Variants in PDE10A observed in about 807,000 individuals in gnomAD.
PDE10A encodes phosphodiesterase 10A.
PDE10A carries 39 observed loss-of-function variants against 97.7 expected under a neutral mutation model. The ratio of observed to expected loss-of-function variants is 0.40; its 90% CI spans 0.31 to 0.52. The LOEUF (loss-of-function observed/expected upper bound fraction) is 0.52. Ranked by LOEUF, PDE10A falls within the 20% of genes least tolerant of loss-of-function variation. The pLI, the probability that PDE10A is intolerant of heterozygous loss-of-function variation, is 0.56. For synonymous variants in PDE10A, 371 were observed against 376.8 expected (o/e 0.98, Z 0.18); for missense variants, 731 against 1,047.8 (o/e 0.70, Z 4.17).
At chr6:165,410,621 G>A (rs1332045203) in intron 13 of PDE10A, among the ~76,000 whole-genome samples, 1 of 152,068 alleles carries the variant, frequency 6.6e-6, no homozygotes, top group Non-Finnish European at 1.5e-5. Context: ...GTGGGGGTAA[G>A]TTCCTGTGGA....
chr6:165,907,085 TA>T (rs1330674259), intron 1 of PDE10A, among the ~76,000 whole-genome samples: 1 of 152,202 alleles, frequency 6.6e-6, no homozygotes, highest in Non-Finnish European at 1.5e-5. Flanking sequence ...CTCCTCTGCA[TA>T]TTTTCAACTA....
intron 19 of PDE10A, among the ~76,000 whole-genome samples, chr6:165,339,803 T>A (rs986760733): frequency 5.3e-5 from 8 of 152,340 alleles, no homozygotes; most frequent in Non-Finnish European, 1.0e-4. Flanking sequence ...TAAAATGTGC[T>A]AGTAAAGACG....
intron 1 of PDE10A, among the ~76,000 whole-genome samples, chr6:165,586,152 C>T (rs981987659): frequency 2.0e-5 from 3 of 152,162 alleles, no homozygotes; most frequent in Admixed American, 6.5e-5. Flanking sequence ...TAACAAAGGC[C>T]GAACAGAGCT....
At chr6:165,682,845 C>T (rs1013440622) in intron 1 of PDE10A, among the ~76,000 whole-genome samples, 6 of 152,296 alleles carry the variant, frequency 3.9e-5, no homozygotes, top group South Asian at 4.1e-4. Context: ...TGCTGGTCAT[C>T]GGTTTGTACA....
intron 1 of PDE10A, among the ~76,000 whole-genome samples, chr6:165,622,961 C>T (rs1210844863): frequency 2.0e-5 from 3 of 152,058 alleles, no homozygotes; most frequent in Non-Finnish European, 4.4e-5. Flanking sequence ...TGGCTCCTCC[C>T]CCCACCCTTA....
chr6:165,897,464 G>T (rs1020546853), intron 1 of PDE10A, among the ~76,000 whole-genome samples: 6 of 152,054 alleles, frequency 3.9e-5, no homozygotes, highest in African/African-American at 1.2e-4. Context: ...GAATGAGAGG[G>T]TCCTGAGCTG....
chr6:165,973,098 A>T (rs368927605), intron 1 of PDE10A, among the ~76,000 whole-genome samples: 2 of 152,176 alleles, frequency 1.3e-5, no homozygotes, highest in African/African-American at 4.8e-5. Context: ...TCCATAATTC[A>T]AAAAAATACT....
intron 16 of PDE10A, among the ~76,000 whole-genome samples, chr6:165,392,032 G>C (rs1180408430): frequency 1.3e-5 from 2 of 152,216 alleles, no homozygotes; most frequent in African/African-American, 2.4e-5. Flanking sequence ...GGATTGTCCA[G>C]ATGTAGAATC....
chr6:165,656,254 T>TCA (rs1314796190), intron 1 of PDE10A, among the ~76,000 whole-genome samples: 2 of 100,996 alleles, frequency 2.0e-5, no homozygotes, highest in African/African-American at 7.5e-5. Flanking sequence ...TCTCTCTCTC[T>TCA]CTCTCACACA....
At chr6:165,855,665 C>A (rs563544400) in intron 1 of PDE10A, among the ~76,000 whole-genome samples, 1 of 152,076 alleles carries the variant, frequency 6.6e-6, no homozygotes, top group South Asian at 2.1e-4. Context: ...TTCCCAGTTC[C>A]AAGGATAAAA....
At chr6:165,457,810 A>G (rs1778049596) in intron 3 of PDE10A, among the ~76,000 whole-genome samples, 1 of 152,216 alleles carries the variant, frequency 6.6e-6, no homozygotes, top group Non-Finnish European at 1.5e-5. Context: ...AGTAAAAGCT[A>G]GTTTCACCGG....
chr6:165,889,128 AG>A (rs1345158234), intron 1 of PDE10A, among the ~76,000 whole-genome samples: 1 of 152,214 alleles, frequency 6.6e-6, no homozygotes, highest in Non-Finnish European at 1.5e-5. Context: ...TGAGCTTTAG[AG>A]GACCACAAAC....
In PDE10A at chr6:165,450,315, A is replaced by G. The variant is rs147184942; in HGVS notation, c.1071T>C (p.Tyr357=). 9.4e-6 allele frequency: 15 copies of G among 1,590,980 alleles called. No homozygotes were observed. Among genetic ancestry groups the G allele is most frequent in the South Asian group, 6.7e-5 (6 of 89,754 alleles). The change falls in exon 4 of 22, where the codon TAT becomes TAC. Residue 357 remains tyrosine (Y), a synonymous_variant. Coordinates refer to ENST00000539869, the MANE Select transcript of PDE10A (RefSeq NM_001385079.1). ...CTCCTGTGTCCAACCGTTGTTCTATATAGCTGTTTAGTTCATATACAACTC... is the reference window on the plus strand; with the variant it reads ...CTCCTGTGTCCAACCGTTGTTCTATGTAGCTGTTTAGTTCATATACAACTC... ...MQGVVYELNS[Y]IEQRLDTGGD...
chr6:165,798,249 A>C (rs946271548), intron 1 of PDE10A, among the ~76,000 whole-genome samples: 2 of 152,246 alleles, frequency 1.3e-5, no homozygotes, highest in African/African-American at 4.8e-5. Flanking sequence ...TGTTTGCTTT[A>C]ATGAGAAATG....
chr6:165,640,146 A>C (rs1025093325), intron 1 of PDE10A, among the ~76,000 whole-genome samples: 1 of 151,994 alleles, frequency 6.6e-6, no homozygotes, highest in African/African-American at 2.4e-5. Flanking sequence ...ACTCTTTCCC[A>C]TTAGGGTATA....
intron 1 of PDE10A, among the ~76,000 whole-genome samples, chr6:165,735,500 T>G (rs1792553627): frequency 6.6e-6 from 1 of 151,974 alleles, no homozygotes; most frequent in African/African-American, 2.4e-5. Context: ...ATGAAGGTAT[T>G]TATTATGAGG....
chr6:165,330,357 C>T lies in PDE10A; in HGVS notation c.*2668G>A, dbSNP rs1411880312. The stretch of plus-strand genomic sequence containing the variant: ...TCTGGGAACAAGACAAGAAACATGA[C>T]CCGAAAGTCTGTCTCCTAAACATCT... On this transcript the variant is annotated 3_prime_UTR_variant, in exon 22 of 22. Transcript: ENST00000539869. 2.0e-5 allele frequency: 3 copies of T among 152,124 alleles called. No homozygotes were observed. The highest frequency in any genetic ancestry group is 7.2e-5 in the African/African-American group (3 of 41,418). 9.4% of individuals were successfully genotyped at this position (152,124 alleles called of 1,614,324 possible).
chr6:165,909,210 A>G (rs2128485932), intron 1 of PDE10A: 1 of 152,328 alleles, frequency 6.6e-6, no homozygotes, highest in African/African-American at 2.4e-5. Flanking sequence ...GACTTTGAAG[A>G]GCCTGACTTT....
intron 1 of PDE10A, among the ~76,000 whole-genome samples, chr6:165,730,736 G>GTGAGACTCCGTCTCAAA: frequency 1.5e-5 from 2 of 132,288 alleles, no homozygotes; most frequent in Admixed American, 7.6e-5. Context: ...CTGGGCGACA[G>GTGAGACTCCGTCTCAAA]AGTGAGATTC....
Sources: allele counts gnomAD v4.1 joint callset (sites outside exome capture counted in the v4.1 genomes callset), GRCh38; gene constraint gnomAD v4.1.1; transcripts MANE v1.5; gene names NCBI Gene and HGNC (gene_info 2026-07-23, HGNC 2026-07-21).